The following SLC1A1 variants were observed in gnomAD, a reference collection of about 807,000 sequenced individuals.
SLC1A1 encodes the protein excitatory amino acid transporter 3.
A neutral mutation model predicts 53.3 loss-of-function variants in SLC1A1; 43 were observed. The ratio of observed to expected loss-of-function variants is 0.81; its 90% CI spans 0.63 to 1.04. The LOEUF is 1.04. SLC1A1 is among the 50% of genes least tolerant of loss of function. SLC1A1 has a pLI of 0.00. For missense variants in SLC1A1, 748 were observed against 664.9 expected, an observed-to-expected ratio of 1.12 and a Z score of -1.37; for synonymous variants, 307 against 243.2, an observed-to-expected ratio of 1.26 and a Z score of -2.44.
At chr9:4,523,926 C>G (rs1816173020) in intron 1 of SLC1A1, among the ~76,000 whole-genome samples, 1 of 152,216 alleles carries the variant, frequency 6.6e-6, no homozygotes, top group Admixed American at 6.5e-5. Flanking sequence ...TGAACAGTCT[C>G]TTCTTAAAGA....
In SLC1A1 at chr9:4,576,120, C is replaced by G; in HGVS notation, c.995C>G (p.Ser332Cys). The G allele has an allele frequency of 6.2e-7, 1 of 1,613,806 alleles. No individual in the cohort carries two copies. The highest frequency in any genetic ancestry group is 8.5e-7 in the Non-Finnish European group (1 of 1,179,672). Residue 332 changes from serine (S) to cysteine (C), a missense_variant, in exon 9 of 12, where the codon TCC (serine) becomes TGC (cysteine). Transcript: ENST00000262352. ...CTCCTGACAGCTCTCATGATCTCTTCCAGGTAAACAGAAGAGGGGTTTCTG... is the reference window on the plus strand; with the variant it reads ...CTCCTGACAGCTCTCATGATCTCTTGCAGGTAAACAGAAGAGGGGTTTCTG... ...QALLTALMIS[S>C]SSATLPVTFR...
intron 2 of SLC1A1, among the ~76,000 whole-genome samples, chr9:4,551,224 T>A (rs369332385): frequency 3.5e-4 from 54 of 152,292 alleles, no homozygotes; most frequent in African/African-American, 1.3e-3. Context: ...GGCTTTTTTT[T>A]AAAGGCTATG....
At chr9:4,529,362 C>T (rs1253399464) in intron 1 of SLC1A1, among the ~76,000 whole-genome samples, 2 of 152,158 alleles carry the variant, frequency 1.3e-5, no homozygotes, top group Non-Finnish European at 2.9e-5. Flanking sequence ...CAAGATATCC[C>T]AGATTTCTGA....
chr9:4,534,028 C>T (rs1215528031), intron 1 of SLC1A1, among the ~76,000 whole-genome samples: 1 of 152,160 alleles, frequency 6.6e-6, no homozygotes, highest in Non-Finnish European at 1.5e-5. Context: ...AAAGACACAA[C>T]ACACCAGAAT....
At chr9:4,537,463 G>A (rs1157281618) in intron 1 of SLC1A1, among the ~76,000 whole-genome samples, 1 of 100,184 alleles carries the variant, frequency 1.0e-5, no homozygotes, top group Non-Finnish European at 2.2e-5. Context: ...GGAGGCTGAG[G>A]CAGGAGAATG....
chr9:4,582,851 CT>C (rs1296536708), intron 10 of SLC1A1, among the ~76,000 whole-genome samples, 186 bp from the exon 11 acceptor site: 3 of 152,206 alleles, frequency 2.0e-5, no homozygotes, highest in African/African-American at 4.8e-5. Context: ...CATAGTCCCC[CT>C]CCCCCCACAG....
intron 1 of SLC1A1, among the ~76,000 whole-genome samples, chr9:4,528,538 T>C (rs1481821534): frequency 1.3e-5 from 2 of 152,148 alleles, no homozygotes; most frequent in African/African-American, 4.8e-5. Context: ...ATCACGCCAC[T>C]GCACTCCAGC....
At chr9:4,578,862 G>A (rs1346274669) in intron 10 of SLC1A1, among the ~76,000 whole-genome samples, 1 of 152,202 alleles carries the variant, frequency 6.6e-6, no homozygotes, top group Non-Finnish European at 1.5e-5. Context: ...GCTGGGATTA[G>A]AGTTAACCTG....
chr9:4,525,962 G>C (rs997418426), intron 1 of SLC1A1, among the ~76,000 whole-genome samples: 9 of 151,962 alleles, frequency 5.9e-5, no homozygotes, highest in African/African-American at 2.2e-4. Context: ...TAATTCACAG[G>C]ACATCAACAC....
rs886911840 is a variant in SLC1A1 at position 4,549,381 on chromosome 9, A to G, written c.232+4674A>G. The stretch of plus-strand genomic sequence containing the variant: ...ACAGGAGCAGAAGCTTAATTCTCCA[A>G]AGTGCAGCTGAGACCACACTTCTAC... On this transcript the variant is annotated intron_variant, in intron 2 of 11. Coordinates refer to ENST00000262352, the MANE Select transcript of SLC1A1 (RefSeq NM_004170.6). This position sits in a 1 kb window ranked among gnomAD's most constrained non-coding sequence, Gnocchi z 4.1. Among the ~76,000 whole-genome samples, 2 of 152,146 alleles carry G rather than the reference A, an allele frequency of 1.3e-5. No individual in the cohort carries two copies. The highest frequency in any genetic ancestry group is 2.9e-5 in the Non-Finnish European group (2 of 68,018).
intron 1 of SLC1A1, among the ~76,000 whole-genome samples, chr9:4,533,489 G>C (rs1379322479): frequency 6.6e-6 from 1 of 152,072 alleles, no homozygotes; most frequent in Non-Finnish European, 1.5e-5. Flanking sequence ...AATGGTAAAG[G>C]GATCAATTCA....
Position 4,549,072 on chromosome 9 carries a change from C to G in SLC1A1, c.232+4365C>G, listed in dbSNP as rs1445225822. On this transcript the variant is annotated intron_variant, in intron 2 of 11. Transcript: ENST00000262352. The surrounding 1 kb of genome is among the most constrained non-coding windows in gnomAD (Gnocchi z 4.1). ...TGAGTTTAAATTCAGGTCACATTTT[C>G]TTTACTACTTCCCAAAATTAAACTA... Among the ~76,000 whole-genome samples the G allele has an allele frequency of 6.6e-6, 1 of 152,208 alleles. No individual in the cohort carries two copies. Among genetic ancestry groups the G allele is most frequent in the African/African-American group, 2.4e-5 (1 of 41,446 alleles).
intron 2 of SLC1A1, among the ~76,000 whole-genome samples, chr9:4,547,163 C>T (rs1817564672): frequency 6.6e-6 from 1 of 152,172 alleles, no homozygotes; most frequent in African/African-American, 2.4e-5. Flanking sequence ...GAAGTATAGC[C>T]TTTGGCCAGA....
At chr9:4,522,401 T>A (rs148901534) in intron 1 of SLC1A1, among the ~76,000 whole-genome samples, 1 of 152,232 alleles carries the variant, frequency 6.6e-6, no homozygotes, top group African/African-American at 2.4e-5. Context: ...ACATCAAAGT[T>A]TAAGAAGCAT....
intron 1 of SLC1A1, among the ~76,000 whole-genome samples, chr9:4,527,670 T>G (rs893476613): frequency 6.6e-6 from 1 of 152,160 alleles, no homozygotes; most frequent in African/African-American, 2.4e-5. Context: ...AAGCTTATAT[T>G]ACAAAAATGG....
chr9:4,583,175 G>C lies in SLC1A1; in HGVS notation c.1328+3G>C. On this transcript the variant is annotated splice_donor_region_variant and intron_variant, in intron 11 of 11. Transcript: ENST00000262352. The surrounding 1 kb of genome is among the most constrained non-coding windows in gnomAD (Gnocchi z 4.6). ...ATCATTGCTGTCGACTGGCTCCTGT[G>C]AGTTGGAATAAATGCACTGCCTTAG... is the stretch of plus-strand genomic sequence containing the variant. The C allele has an allele frequency of 2.5e-6, 4 of 1,614,214 alleles. No homozygotes were observed. The highest frequency in any genetic ancestry group is 3.4e-6 in the Non-Finnish European group (4 of 1,180,034).
At chr9:4,577,791 A>G (rs1233043524) in intron 10 of SLC1A1, among the ~76,000 whole-genome samples, 9 of 152,208 alleles carry the variant, frequency 5.9e-5, no homozygotes, top group African/African-American at 1.9e-4. Context: ...CATTTTACAA[A>G]GATAAGCAGC....
chr9:4,564,449 A>G lies in SLC1A1; in HGVS notation c.431A>G (p.Asp144Gly). 5.6e-6 allele frequency: 9 copies of G among 1,607,282 alleles called. No homozygotes were observed. Among genetic ancestry groups the G allele is most frequent in the Non-Finnish European group, 7.7e-6 (9 of 1,174,506 alleles). Residue 144 changes from aspartate to glycine, a missense_variant, in exon 4 of 12, where the codon GAT becomes GGT. By Grantham distance (94) the Asp-to-Gly change is moderately conservative. Coordinates refer to ENST00000262352, the MANE Select transcript of SLC1A1 (RefSeq NM_004170.6). ...PEVSTVDAML[D>G]LIRNMFPENL... ...GTCAGTACGGTGGATGCCATGTTAG[A>G]TCTCATCAGGTGAGTGTTTTGCCAC...
At chr9:4,534,433 C>G (rs989915635) in intron 1 of SLC1A1, among the ~76,000 whole-genome samples, 17 of 152,142 alleles carry the variant, frequency 1.1e-4, no homozygotes, top group Admixed American at 2.6e-4. Context: ...ACTATAAACA[C>G]CTCTACACAA....
Sources: allele counts gnomAD v4.1 joint callset (sites outside exome capture counted in the v4.1 genomes callset), GRCh38; gene constraint gnomAD v4.1.1; non-coding constraint Gnocchi (gnomAD v3.1); transcripts MANE v1.5; gene names NCBI Gene and HGNC (gene_info 2026-07-23, HGNC 2026-07-21).